Variants in KIR3DL2 observed in about 807,000 individuals in gnomAD.
KIR3DL2 encodes killer cell immunoglobulin like receptor, three Ig domains and long cytoplasmic tail 2.
Under a neutral mutation model 41.6 loss-of-function variants are expected in KIR3DL2, and 42 were observed. The observed-to-expected ratio is 1.01, with a 90% CI of 0.79 to 1.31. The LOEUF (loss-of-function observed/expected upper bound fraction) is 1.31, where lower values mean the gene tolerates loss of function less well. KIR3DL2 is among the 50% of genes most tolerant of loss of function. KIR3DL2 has a pLI of 0.00. For missense variants in KIR3DL2, 728 were observed against 576.8 expected, an observed-to-expected ratio of 1.26 and a Z score of -2.68; for synonymous variants, 230 against 221.3, an observed-to-expected ratio of 1.04 and a Z score of -0.35.
intron 5 of KIR3DL2, among the ~76,000 whole-genome samples, chr19:54,856,346 A>G (rs1021548094): frequency 2.6e-5 from 4 of 151,300 alleles, no homozygotes; most frequent in African/African-American, 9.7e-5. Flanking sequence ...TATATAATTT[A>G]CCAACTTTAC....
chr19:54,862,408 A>G (rs2065238703), intron 6 of KIR3DL2, among the ~76,000 whole-genome samples: 1 of 152,088 alleles, frequency 6.6e-6, no homozygotes, highest in African/African-American at 2.4e-5. Flanking sequence ...ACCTGGGCCT[A>G]TGCCAATTTC....
At chr19:54,865,310 C>T (rs142264202) in intron 6 of KIR3DL2, among the ~76,000 whole-genome samples, 2,260 of 152,122 alleles carry the variant, frequency 0.015, 35 homozygotes, top group Non-Finnish European at 0.02. Flanking sequence ...GCTGCTCCCA[C>T]TCTGGCAGAA....
chr19:54,864,931 G>T (rs954900429), intron 6 of KIR3DL2, among the ~76,000 whole-genome samples: 1 of 152,050 alleles, frequency 6.6e-6, no homozygotes, highest in Admixed American at 6.5e-5. Context: ...TCCCTGTCTT[G>T]TGCCAGTTTT....
chr19:54,862,446 A>G lies in KIR3DL2; in HGVS notation c.1000+3317A>G, dbSNP rs143482141. ...TCACTCACCGTCACTCCAGGGAGAC[A>G]GAACACACAGAGAATACGTTACATA... On this transcript the variant is annotated intron_variant, in intron 6 of 8. Transcript: ENST00000326321. Among the ~76,000 whole-genome samples the G allele has an allele frequency of 4.7e-3, 717 of 152,276 alleles. 7 individuals carry two copies. Among genetic ancestry groups the G allele is most frequent in the African/African-American group, 0.016 (668 of 41,572 alleles).
Position 54,863,780 on chromosome 19 carries a change from C to T in KIR3DL2, c.1001-2025C>T, listed in dbSNP as rs1308244677. 6.6e-5 allele frequency among the ~76,000 whole-genome samples: 10 copies of T among 151,962 alleles called. No homozygotes were observed. The East Asian group carries it at 7.7e-4, about 12-fold the overall frequency. ...AGCCCTTTGTCAGATGAGTAGGTTG[C>T]GAAAATTTTCTCCCATTTTGTAGGT... On this transcript the variant is annotated intron_variant, in intron 6 of 8. Transcript: ENST00000326321.
intron 1 of KIR3DL2, 82 bp from the exon 2 acceptor site, chr19:54,851,138 C>A: frequency 1.3e-6 from 2 of 1,557,384 alleles, no homozygotes; most frequent in Admixed American, 3.4e-5. Flanking sequence ...GGCCTGGCTG[C>A]CAAGACACAC....
At chr19:54,858,794 A>AT (rs1403296579) in intron 5 of KIR3DL2, among the ~76,000 whole-genome samples, 5 of 151,982 alleles carry the variant, frequency 3.3e-5, no homozygotes, top group African/African-American at 1.2e-4. Context: ...ATTCTGTTCC[A>AT]TTTTTTATGT....
intron 6 of KIR3DL2, 138 bp from the exon 7 acceptor site, chr19:54,865,667 G>GAA: frequency 1.4e-6 from 1 of 731,192 alleles, no homozygotes; most frequent in South Asian, 1.7e-5. Context: ...GAAAGCAGGA[G>GAA]AAAGCTGGGT....
In KIR3DL2 at chr19:54,866,427, G is replaced by T; in HGVS notation, c.1158+5G>T. 1 of 1,613,978 alleles carries T rather than the reference G, an allele frequency of 6.2e-7. No homozygotes were observed. Among genetic ancestry groups the T allele is most frequent in the Admixed American group, 1.7e-5 (1 of 60,006 alleles). ...GACAGAACAGTGAATAGGCAGGTAGGTCCTCCTCGGCCCAGCCTCACGGAT... is the reference window on the plus strand; with the variant it reads ...GACAGAACAGTGAATAGGCAGGTAGTTCCTCCTCGGCCCAGCCTCACGGAT... On this transcript the variant is annotated splice_donor_5th_base_variant and intron_variant, in intron 8 of 8. Transcript: ENST00000326321.
intron 6 of KIR3DL2, among the ~76,000 whole-genome samples, chr19:54,860,444 C>G (rs1218807473): frequency 6.6e-6 from 1 of 152,180 alleles, no homozygotes; most frequent in South Asian, 2.1e-4. Context: ...GATCTCGGCT[C>G]ACTGCAACCT....
intron 6 of KIR3DL2, among the ~76,000 whole-genome samples, chr19:54,864,957 C>A (rs2065405966): frequency 6.6e-6 from 1 of 152,020 alleles, no homozygotes; most frequent in Non-Finnish European, 1.5e-5. Flanking sequence ...GGAATGCTTC[C>A]AGTTTTTGCC....
chr19:54,851,970 T>C, intron 2 of KIR3DL2, 28 bp from the exon 3 acceptor site: 1 of 1,603,958 alleles, frequency 6.2e-7, no homozygotes, highest in Admixed American at 1.7e-5. Context: ...CATCCTCCTC[T>C]CTAAGGCAGT....
rs550670208 is a variant in KIR3DL2, at chr19:54,850,523, G to A, written c.34+14G>A. Reference sequence around the variant, plus strand: ...TGGCGTGCGTTGGTGAGTCCTGGAAGGGAATAGAGGGAGGGAGAGTGGGGA... The same window carrying A: ...TGGCGTGCGTTGGTGAGTCCTGGAAAGGAATAGAGGGAGGGAGAGTGGGGA... On this transcript the variant is annotated intron_variant, in intron 1 of 8. Transcript: ENST00000326321. 1.6e-4 allele frequency: 262 copies of A among 1,609,080 alleles called. 4 individuals are homozygous for A. The South Asian group carries it at 2.7e-3, about 17-fold the overall frequency.
intron 5 of KIR3DL2, among the ~76,000 whole-genome samples, chr19:54,857,491 T>C (rs916360705): frequency 2.6e-5 from 4 of 151,424 alleles, no homozygotes; most frequent in African/African-American, 9.8e-5. Context: ...TTCTCTACCA[T>C]CTTGCCAGCA....
chr19:54,852,496 T>C (rs1176109018), intron 3 of KIR3DL2, among the ~76,000 whole-genome samples: 1 of 151,442 alleles, frequency 6.6e-6, no homozygotes, highest in African/African-American at 2.4e-5. Flanking sequence ...CTATTTATGT[T>C]ATAGGGCAGG....
At chr19:54,866,477 A>T in intron 8 of KIR3DL2, 45 bp from the exon 9 acceptor site, 1 of 1,613,970 alleles carries the variant, frequency 6.2e-7, no homozygotes, top group Admixed American at 1.7e-5. Context: ...AATAGTCCTG[A>T]AAAATGTGAG....
rs200259432 is a variant in KIR3DL2, at chr19:54,850,502, G to A, written c.27G>A (p.Ala9=). 264 of 1,608,900 alleles carry A rather than the reference G, an allele frequency of 1.6e-4. 3 individuals carry two copies. The Middle Eastern group carries it at 1.8e-3, about 11-fold the overall frequency. MSLTVVSM[A]CVGFFLLQGA... ...TGTCGCTCACGGTCGTCAGCATGGCGTGCGTTGGTGAGTCCTGGAAGGGAA... is the reference window on the plus strand; with the variant it reads ...TGTCGCTCACGGTCGTCAGCATGGCATGCGTTGGTGAGTCCTGGAAGGGAA... The change falls in exon 1 of 9, where the codon GCG becomes GCA. Residue 9 remains alanine, a synonymous_variant. Transcript: ENST00000326321.
chr19:54,851,365 C>T, intron 2 of KIR3DL2, 110 bp downstream of exon 2: 2 of 1,210,036 alleles, frequency 1.7e-6, no homozygotes, highest in South Asian at 2.5e-5. Flanking sequence ...AAGAGGGGAC[C>T]CTTGGATACT....
In KIR3DL2 at chr19:54,853,954, T is replaced by G. The variant is rs2064518768; in HGVS notation, c.563T>G (p.Val188Gly). The change falls in exon 4 of 9, where the codon GTC becomes GGC. Residue 188 changes from valine (V) to glycine (G), a missense_variant. Transcript: ENST00000326321. ...TTCTCCATCGGTCCCTTGATGCCTG[T>G]CCTTGCAGGAACCTACAGATGTTAT... ...ANFSIGPLMP[V>G]LAGTYRCYGS... The G allele has an allele frequency of 6.2e-7, 1 of 1,612,960 alleles. No individual in the cohort carries two copies. Among genetic ancestry groups the G allele is most frequent in the Non-Finnish European group, 8.5e-7 (1 of 1,179,732 alleles).
Sources: allele counts gnomAD v4.1 joint callset (sites outside exome capture counted in the v4.1 genomes callset), GRCh38; gene constraint gnomAD v4.1.1; transcripts MANE v1.5; gene names NCBI Gene and HGNC (gene_info 2026-07-23, HGNC 2026-07-21).